The following PRKAR1A variants were observed in gnomAD, a reference collection of about 807,000 sequenced individuals.
PRKAR1A encodes the protein cAMP-dependent protein kinase type I-alpha regulatory subunit.
A neutral mutation model predicts 52.0 loss-of-function variants in PRKAR1A; 3 were observed. The observed-to-expected ratio is 0.06, with a 90% confidence interval of 0.03 to 0.15. The LOEUF (loss-of-function observed/expected upper bound fraction) is 0.15. PRKAR1A is among the 10% of genes least tolerant of loss of function. PRKAR1A has a pLI of 1.00. For synonymous variants in PRKAR1A, 188 were observed against 168.4 expected, an observed-to-expected ratio of 1.12 and a Z score of -0.90; for missense variants, 240 against 477.4, an observed-to-expected ratio of 0.50 and a Z score of 4.63.
At chr17:68,457,431 GGCCCGGGAA>G in the PRKAR1A span, 705,174 of 1,494,018 alleles carry the variant, frequency 0.47, 169,564 homozygotes, top group South Asian at 0.5. Context: ...TCGGGGGCTC[GGCCCGGGAA>G]GCCGCAGCTC....
chr17:68,472,888 T>C, the PRKAR1A span, among the ~76,000 whole-genome samples: 4 of 152,154 alleles, frequency 2.6e-5, no homozygotes, highest in South Asian at 8.3e-4. Context: ...GAGGTTGCAG[T>C]GAGCCAAGAT....
At chr17:68,524,700 G>C (rs955587218) in intron 5 of PRKAR1A, among the ~76,000 whole-genome samples, 1 of 151,874 alleles carries the variant, frequency 6.6e-6, no homozygotes, top group Non-Finnish European at 1.5e-5. Context: ...TTTTTTCAGA[G>C]GTATTCTTCA....
the PRKAR1A span, among the ~76,000 whole-genome samples, chr17:68,505,361 A>C: frequency 5.9e-5 from 9 of 152,180 alleles, no homozygotes; most frequent in African/African-American, 2.2e-4. Context: ...GGAAGGAGAG[A>C]GGGATAAACA....
At chr17:68,546,434 G>T (rs2086570235) in intron 11 of PRKAR1A, among the ~76,000 whole-genome samples, 1 of 151,998 alleles carries the variant, frequency 6.6e-6, no homozygotes, top group East Asian at 1.9e-4. Context: ...ATGGCATCTA[G>T]AATGGAGACT....
intron 11 of PRKAR1A, chr17:68,541,580 G>A: frequency 5.1e-6 from 1 of 195,596 alleles, no homozygotes; most frequent in South Asian, 1.0e-4. Flanking sequence ...ATACAGCAGT[G>A]AGGTCCTTGG....
At chr17:68,487,176 A>T in the PRKAR1A span, among the ~76,000 whole-genome samples, 1 of 152,162 alleles carries the variant, frequency 6.6e-6, no homozygotes. Flanking sequence ...CCGGCCTGTT[A>T]TGTGAATTTA....
chr17:68,426,250 G>GGGGGGGGGGT, the PRKAR1A span: 1 of 828,054 alleles, frequency 1.2e-6, no homozygotes, highest in South Asian at 1.3e-5. Flanking sequence ...GGTGGGGAGC[G>GGGGGGGGGGT]GGGGCTCAAA....
At chr17:68,426,251 G>GA in the PRKAR1A span, 5 of 825,458 alleles carry the variant, frequency 6.1e-6, no homozygotes, top group Admixed American at 4.7e-5. Context: ...GTGGGGAGCG[G>GA]GGGCTCAAAT....
the PRKAR1A span, among the ~76,000 whole-genome samples, chr17:68,465,689 G>A: frequency 2.3e-5 from 3 of 129,430 alleles, no homozygotes; most frequent in Admixed American, 9.0e-5. Context: ...GGCTGGTCTC[G>A]AACTCCTGAC....
intron 8 of PRKAR1A, chr17:68,528,657 G>T: frequency 1.7e-6 from 1 of 603,196 alleles, no homozygotes. Context: ...TAGCCACTGG[G>T]CTACCGAAGT....
chr17:68,473,872 T>C, the PRKAR1A span, among the ~76,000 whole-genome samples: 2 of 152,298 alleles, frequency 1.3e-5, no homozygotes, highest in South Asian at 4.2e-4. Context: ...GGAGAGAAAC[T>C]GGAAACGGTG....
chr17:68,418,965 T>G, the PRKAR1A span, among the ~76,000 whole-genome samples: 1 of 151,742 alleles, frequency 6.6e-6, no homozygotes, highest in Non-Finnish European at 1.5e-5. Context: ...TTTATTTAAT[T>G]ATGTCATATT....
chr17:68,478,358 A>G, the PRKAR1A span, among the ~76,000 whole-genome samples: 1 of 152,160 alleles, frequency 6.6e-6, no homozygotes, highest in South Asian at 2.1e-4. Context: ...AGGCTCAGAC[A>G]GGGGAATCAC....
the PRKAR1A span, among the ~76,000 whole-genome samples, chr17:68,491,172 A>G: frequency 1.3e-5 from 2 of 151,160 alleles, no homozygotes; most frequent in African/African-American, 4.9e-5. Flanking sequence ...GCTCACTGCA[A>G]CGTCTGCCTT....
chr17:68,500,829 T>A, the PRKAR1A span, among the ~76,000 whole-genome samples: 262 of 152,222 alleles, frequency 1.7e-3, no homozygotes, highest in African/African-American at 6.2e-3. Context: ...AGGTATAACT[T>A]TATCAGCAGC....
chr17:68,519,171 A>G (rs2085525536), intron 2 of PRKAR1A, among the ~76,000 whole-genome samples: 1 of 152,046 alleles, frequency 6.6e-6, no homozygotes, highest in Admixed American at 6.5e-5. Context: ...TTGCTTCTGC[A>G]TTTTTGGGTA....
the PRKAR1A span, among the ~76,000 whole-genome samples, chr17:68,487,138 C>T: frequency 2.0e-5 from 3 of 152,098 alleles, no homozygotes; most frequent in South Asian, 4.2e-4. Context: ...TCCCAAAGTG[C>T]AGGGATTACA....
At chr17:68,535,666 A>G, downstream of PRKAR1A, 1 of 448,538 alleles carries the variant, frequency 2.2e-6, no homozygotes, top group Non-Finnish European at 4.4e-6. Flanking sequence ...GATTTAAAAA[A>G]AAATTTTTTT....
chr17:68,451,529 C>T, the PRKAR1A span, among the ~76,000 whole-genome samples: 1 of 152,242 alleles, frequency 6.6e-6, no homozygotes, highest in African/African-American at 2.4e-5. Context: ...ATCTCCCCTC[C>T]AGACCCTAGG....
Sources: allele counts gnomAD v4.1 joint callset (sites outside exome capture counted in the v4.1 genomes callset), GRCh38; gene constraint gnomAD v4.1.1; transcripts MANE v1.5; gene names NCBI Gene and HGNC (gene_info 2026-07-23, HGNC 2026-07-21).